The following TULP4 variants were observed in gnomAD, a reference collection of about 807,000 sequenced individuals.
TULP4 encodes TUB like protein 4, also known as tubby-related protein 4.
TULP4 carries 16 observed loss-of-function variants against 129.0 expected under a neutral mutation model. The observed-to-expected ratio is 0.12, with a 90% CI of 0.08 to 0.19. The LOEUF (loss-of-function observed/expected upper bound fraction) is 0.19. Among genes scored for constraint, TULP4 ranks in the 10% least tolerant of loss-of-function variants. The probability of loss-of-function intolerance (pLI) is 1.00; values close to 1 mark genes in which losing one functional copy is unlikely to be tolerated. For synonymous variants in TULP4, 998 were observed against 854.0 expected, an observed-to-expected ratio of 1.17 and a Z score of -2.94; for missense variants, 1,842 against 2,059.1, an observed-to-expected ratio of 0.89 and a Z score of 2.04.
At chr6:158,331,319 A>G (rs1392245899) in intron 1 of TULP4, among the ~76,000 whole-genome samples, 3 of 151,984 alleles carry the variant, frequency 2.0e-5, no homozygotes, top group Non-Finnish European at 4.4e-5. Flanking sequence ...GTTGTTCCCT[A>G]TCCACCCACC....
chr6:158,367,245 TA>T (rs574168893), intron 1 of TULP4, among the ~76,000 whole-genome samples: 88 of 152,248 alleles, frequency 5.8e-4, no homozygotes, highest in Admixed American at 1.4e-3. Flanking sequence ...TACTTTCTCT[TA>T]GGAAGTTATA....
chr6:158,310,571 C>T (rs1562514543), upstream of TULP4: 1 of 152,096 alleles, frequency 6.6e-6, no homozygotes, highest in African/African-American at 2.4e-5. Context: ...TTTTAAACAA[C>T]CAGGTATCGT....
At chr6:158,265,687 A>AG (rs1156893549) in intron 1 of TULP4, among the ~76,000 whole-genome samples, 2 of 131,586 alleles carry the variant, frequency 1.5e-5, no homozygotes, top group East Asian at 2.4e-4. Context: ...TCTCAGAAGA[A>AG]AAAAAAAAAA....
Position 158,502,912 on chromosome 6 carries a change from C to T in TULP4, c.3249C>T (p.Tyr1083=), listed in dbSNP as rs374947110. 1.4e-4 allele frequency: 234 copies of T among 1,614,022 alleles called. No individual in the cohort carries two copies. Among genetic ancestry groups the T allele is most frequent in the South Asian group, 1.6e-4 (15 of 91,070 alleles). ...ACAGCGCCCGCGACCGCACCGACTA[C>T]GTCAACTCGGCCTTCACGGAGGACG... ...PPDSARDRTD[Y]VNSAFTEDEA... is the part of the protein sequence containing the mutation. Residue 1083 remains tyrosine, a synonymous_variant, in exon 13 of 14, where the codon TAC becomes TAT. Coordinates refer to ENST00000367097, the MANE Select transcript of TULP4 (RefSeq NM_020245.5).
chr6:158,319,038 G>A (rs1779561875), intron 1 of TULP4, among the ~76,000 whole-genome samples: 1 of 151,962 alleles, frequency 6.6e-6, no homozygotes, highest in South Asian at 2.1e-4. Flanking sequence ...GAGCCACTGT[G>A]CCCAGCTCAC....
intron 1 of TULP4, among the ~76,000 whole-genome samples, chr6:158,236,795 C>CTTTTCTTTTTTTTTTTTTTTTTTTTTTTT (rs1554272522): frequency 9.5e-5 from 6 of 63,292 alleles, no homozygotes; most frequent in Non-Finnish European, 1.6e-4. Flanking sequence ...CAATTCTTTT[C>CTTTTCTTTTTTTTTTTTTTTTTTTTTTTT]TTTTTTTTTT....
At position 158,503,507 on chromosome 6, in the gene TULP4, A is replaced by G. The variant is rs944282297; in HGVS notation, c.3844A>G (p.Lys1282Glu). 3 of 1,613,608 alleles carry G rather than the reference A, an allele frequency of 1.9e-6. No individual in the cohort carries two copies. The highest frequency in any genetic ancestry group is 4.5e-5 in the East Asian group (2 of 44,858). Residue 1282 changes from lysine to glutamate, a missense_variant, in exon 13 of 14, where the codon AAG (lysine) becomes GAG (glutamate). Transcript: ENST00000367097. This position sits in a 1 kb window ranked among gnomAD's most constrained non-coding sequence, Gnocchi z 4.3. ...MQNPQGTLPPKPHLVVEKPLV... is the reference protein window; with the variant it reads ...MQNPQGTLPPEPHLVVEKPLV... ...GAACCCCCAGGGCACTCTCCCCCCAAAGCCACACTTGGTGGTGGAGAAGCC... is the reference window on the plus strand; with the variant it reads ...GAACCCCCAGGGCACTCTCCCCCCAGAGCCACACTTGGTGGTGGAGAAGCC...
intron 1 of TULP4, among the ~76,000 whole-genome samples, chr6:158,235,348 G>A (rs530570281): frequency 6.6e-6 from 1 of 152,128 alleles, no homozygotes; most frequent in Non-Finnish European, 1.5e-5. Context: ...GCAGCCCCTG[G>A]AAACCACCCC....
At chr6:158,389,035 TGTG>T (rs777157678) in intron 1 of TULP4, among the ~76,000 whole-genome samples, 1 of 152,242 alleles carries the variant, frequency 6.6e-6, no homozygotes, top group Non-Finnish European at 1.5e-5. Context: ...CTCAATGTGA[TGTG>T]GTGTACTGAT....
At chr6:158,448,499 C>G (rs1360491696) in intron 3 of TULP4, among the ~76,000 whole-genome samples, 2 of 152,152 alleles carry the variant, frequency 1.3e-5, no homozygotes, top group Admixed American at 6.5e-5. Context: ...AACATTGTTT[C>G]AGGAGCATCT....
chr6:158,449,251 T>C lies in TULP4; in HGVS notation c.724+75T>C, dbSNP rs1406604934. 5 of 1,439,616 alleles carry C rather than the reference T, an allele frequency of 3.5e-6. No homozygotes were observed. In the Admixed American group the frequency reaches 8.7e-5, roughly 25 times the overall value. The allele number at this position is 1,439,616 out of a possible 1,614,324, so 89.2% of individuals were successfully genotyped here. A position where few individuals can be genotyped will look rare whatever the true frequency, so the allele number is the denominator to read the frequency against. The stretch of plus-strand genomic sequence containing the variant: ...GGCATCGGAGCAGAGTAGACTGATG[T>C]GGAGGAGGGAGGGTGAAGGGCCGCC... On this transcript the variant is annotated intron_variant, in intron 4 of 13. Transcript: ENST00000367097.
chr6:158,321,961 T>A (rs902399886), intron 1 of TULP4, among the ~76,000 whole-genome samples: 2 of 152,188 alleles, frequency 1.3e-5, no homozygotes, highest in African/African-American at 4.8e-5. Flanking sequence ...TGAAAGACCC[T>A]CCTAGTACCA....
At chr6:158,242,427 C>G in intron 1 of TULP4, 1 of 1,122,000 alleles carries the variant, frequency 8.9e-7, no homozygotes, top group Non-Finnish European at 1.4e-6. Context: ...GACGAGATCT[C>G]TTTATGCCAC....
chr6:158,282,276 T>A (rs1349676976), exon 1 of TULP4: 1 of 152,188 alleles, frequency 6.6e-6, no homozygotes, highest in Admixed American at 6.5e-5. Flanking sequence ...TGGGTCAAGC[T>A]GAGTATCTCC....
intron 1 of TULP4, among the ~76,000 whole-genome samples, chr6:158,401,563 C>G (rs1048070981): frequency 6.6e-6 from 1 of 151,408 alleles, no homozygotes; most frequent in Non-Finnish European, 1.5e-5. Context: ...TGGAGTTGTG[C>G]CGAGCCTCTT....
At chr6:158,256,122 A>G (rs1345434458) in intron 1 of TULP4, among the ~76,000 whole-genome samples, 1 of 152,242 alleles carries the variant, frequency 6.6e-6, no homozygotes, top group Non-Finnish European at 1.5e-5. Flanking sequence ...TTGGCTTAAC[A>G]TTCCAGAGTT....
chr6:158,467,571 G>A (rs999344736), intron 6 of TULP4, among the ~76,000 whole-genome samples: 2 of 152,170 alleles, frequency 1.3e-5, no homozygotes, highest in Non-Finnish European at 2.9e-5. Context: ...GTGAGCCACC[G>A]CGCCCTGCCT....
intron 1 of TULP4, among the ~76,000 whole-genome samples, chr6:158,243,638 T>G (rs769335059): frequency 6.6e-5 from 10 of 152,178 alleles, no homozygotes; most frequent in Non-Finnish European, 1.2e-4. Context: ...TTATTTCTTG[T>G]GTTTCCTGTA....
chr6:158,240,257 G>A (rs1386172677), intron 1 of TULP4, among the ~76,000 whole-genome samples: 2 of 74,456 alleles, frequency 2.7e-5, no homozygotes, highest in Non-Finnish European at 5.7e-5. Flanking sequence ...GCGGCTGGCC[G>A]GGCAGAGGGG....
Sources: allele counts gnomAD v4.1 joint callset (sites outside exome capture counted in the v4.1 genomes callset), GRCh38; gene constraint gnomAD v4.1.1; non-coding constraint Gnocchi (gnomAD v3.1); transcripts MANE v1.5; gene names NCBI Gene and HGNC (gene_info 2026-07-23, HGNC 2026-07-21).